Variants in MAU2 observed in about 807,000 individuals in gnomAD.
MAU2 encodes MAU2 sister chromatid cohesion factor.
In MAU2, 9 loss-of-function variants were observed where a neutral mutation model predicts 89.1. The observed-to-expected ratio is 0.10, with a 90% CI of 0.06 to 0.18. The LOEUF (loss-of-function observed/expected upper bound fraction) is 0.18, where lower values mean the gene tolerates loss of function less well. MAU2 is among the 10% of genes least tolerant of loss of function. The pLI is 1.00. For missense variants in MAU2, 425 were observed against 803.5 expected, an observed-to-expected ratio of 0.53 and a Z score of 5.69; for synonymous variants, 357 against 343.4, an observed-to-expected ratio of 1.04 and a Z score of -0.44.
chr19:19,335,262 C>A (rs1599901418), intron 1 of MAU2, among the ~76,000 whole-genome samples: 1 of 152,304 alleles, frequency 6.6e-6, no homozygotes, highest in East Asian at 1.9e-4. Context: ...ACTAACCTTG[C>A]CCCCCAAGAC....
intron 5 of MAU2, among the ~76,000 whole-genome samples, chr19:19,340,332 A>G (rs564328988): frequency 8.2e-5 from 12 of 146,810 alleles, no homozygotes; most frequent in African/African-American, 3.0e-4. Context: ...GACTCTAAGA[A>G]AAAAATAATA....
At chr19:19,321,219 G>A in intron 1 of MAU2, 84 bp downstream of exon 1, 6 of 1,384,852 alleles carry the variant, frequency 4.3e-6, no homozygotes, top group Non-Finnish European at 5.6e-6. Context: ...GGCGGGTGGG[G>A]GGCCGCTCCT....
chr19:19,345,170 C>T lies in MAU2; in HGVS notation c.1156-134C>T, dbSNP rs1599918036. 1 of 821,502 alleles carries T rather than the reference C, an allele frequency of 1.2e-6. No homozygotes were observed. The allele number at this position is 821,502 out of a possible 1,614,324, so 50.9% of individuals were successfully genotyped here. Reference sequence around the variant, plus strand: ...GTGGGGACAGTGAGCATATTACCTGCCTTGCAGCTGGCTCGGTAGAGCCAT... The same window carrying T: ...GTGGGGACAGTGAGCATATTACCTGTCTTGCAGCTGGCTCGGTAGAGCCAT... On this transcript the variant is annotated intron_variant, in intron 11 of 18. Transcript: ENST00000262815. This position sits in a 1 kb window ranked among gnomAD's most constrained non-coding sequence, Gnocchi z 4.9.
At chr19:19,326,425 G>A (rs553560934) in intron 1 of MAU2, among the ~76,000 whole-genome samples, 45 of 151,688 alleles carry the variant, frequency 3.0e-4, no homozygotes, top group Admixed American at 9.2e-4. Context: ...GGTGGCTCAC[G>A]CCTGTAATCC....
At chr19:19,347,253 C>T in intron 12 of MAU2, 27 bp from the exon 13 acceptor site, 1 of 1,547,668 alleles carries the variant, frequency 6.5e-7, no homozygotes, top group Non-Finnish European at 8.9e-7. Flanking sequence ...CGACCCAGCC[C>T]CCTAATGTCC....
Position 19,345,455 on chromosome 19 carries a change from C to A in MAU2, c.1221+86C>A. 1.5e-6 allele frequency: 2 copies of A among 1,312,456 alleles called. No individual in the cohort carries two copies. Among genetic ancestry groups the A allele is most frequent in the Non-Finnish European group, 2.2e-6 (2 of 918,756 alleles). The allele number at this position is 1,312,456 out of a possible 1,614,324, so 81.3% of individuals were successfully genotyped here. ...CGTGGTCTGTGATGAGGACAGCAGT[C>A]GCGCTAGGTCAGCTATGCAAAGCCG... On this transcript the variant is annotated intron_variant, in intron 12 of 18. Coordinates refer to ENST00000262815, the MANE Select transcript of MAU2 (RefSeq NM_015329.4). This position sits in a 1 kb window ranked among gnomAD's most constrained non-coding sequence, Gnocchi z 4.9.
At chr19:19,337,021 TAAA>T (rs1486343005) in intron 3 of MAU2, 146 bp from the exon 4 acceptor site, 1 of 615,916 alleles carries the variant, frequency 1.6e-6, no homozygotes, top group African/African-American at 1.9e-5. Flanking sequence ...TTACTTTTAA[TAAA>T]GTAAATTGGC....
chr19:19,341,777 C>G (rs1353928098), intron 7 of MAU2, among the ~76,000 whole-genome samples: 2 of 152,176 alleles, frequency 1.3e-5, no homozygotes, highest in African/African-American at 4.8e-5. Flanking sequence ...TCTGTCTGGC[C>G]CCCGGCTGTG....
chr19:19,328,913 T>C (rs1180126473), intron 1 of MAU2, among the ~76,000 whole-genome samples: 1 of 152,168 alleles, frequency 6.6e-6, no homozygotes, highest in Non-Finnish European at 1.5e-5. Context: ...GCGTATGCCA[T>C]GCTTGCTTTC....
intron 1 of MAU2, among the ~76,000 whole-genome samples, chr19:19,329,788 T>G (rs2061539988): frequency 6.7e-6 from 1 of 148,792 alleles, no homozygotes; most frequent in African/African-American, 2.5e-5. Context: ...CCAGACCCTG[T>G]CTCTTAAAAA....
chr19:19,327,954 G>A (rs1017198415), intron 1 of MAU2, among the ~76,000 whole-genome samples: 23 of 152,010 alleles, frequency 1.5e-4, no homozygotes, highest in Non-Finnish European at 3.1e-4. Context: ...TTCTTGGCTA[G>A]AGAATTCGCA....
chr19:19,336,214 G>A (rs1267394674), intron 3 of MAU2, 27 bp downstream of exon 3: 3 of 1,535,290 alleles, frequency 2.0e-6, no homozygotes, highest in African/African-American at 2.7e-5. Flanking sequence ...GTTTCTGAAA[G>A]CAAAGTGTCT....
chr19:19,355,325 C>T lies in MAU2; in HGVS notation c.1701C>T (p.Asn567=), dbSNP rs1015404101. The stretch of plus-strand genomic sequence containing the variant: ...ATGAAGCCGCCCAGATGCACCAGAA[C>T]TTCTCGCAGCAGCTGCTCCAGGACC... ...DAHEAAQMHQ[N]FSQQLLQDHI... is the part of the protein sequence containing the mutation. Residue 567 remains asparagine (N), a synonymous_variant, in exon 18 of 19, where the codon AAC becomes AAT. Coordinates refer to ENST00000262815, the MANE Select transcript of MAU2 (RefSeq NM_015329.4). The T allele has an allele frequency of 1.2e-6, 2 of 1,614,016 alleles. No homozygotes were observed. Among genetic ancestry groups the T allele is most frequent in the African/African-American group, 2.7e-5 (2 of 74,940 alleles).
intron 10 of MAU2, 55 bp downstream of exon 10, chr19:19,343,995 A>G: frequency 7.0e-7 from 1 of 1,428,050 alleles, no homozygotes; most frequent in Non-Finnish European, 9.8e-7. Flanking sequence ...GGGTCTCAGC[A>G]GTGTCAGACA....
chr19:19,349,130 A>G (rs777373839), intron 14 of MAU2, 25 bp from the exon 15 acceptor site: 4 of 1,613,200 alleles, frequency 2.5e-6, no homozygotes, highest in Non-Finnish European at 3.4e-6. Flanking sequence ...TCACCACCCC[A>G]TGTGATACTG....
chr19:19,344,218 C>T (rs1642336672), intron 10 of MAU2: 2 of 399,558 alleles, frequency 5.0e-6, no homozygotes, highest in African/African-American at 2.1e-5. Context: ...TTGAGACCAG[C>T]CTGGCCAACA....
chr19:19,331,626 G>A (rs148970346), intron 1 of MAU2, among the ~76,000 whole-genome samples: 7 of 152,242 alleles, frequency 4.6e-5, no homozygotes, highest in African/African-American at 9.6e-5. Flanking sequence ...AGAGGGCTGG[G>A]TGAGGTGGCT....
Position 19,357,852 on chromosome 19 carries a change from T to C in MAU2, c.*2070T>C, listed in dbSNP as rs1181460939. 3.9e-5 allele frequency: 6 copies of C among 152,128 alleles called. No individual in the cohort carries two copies. Among genetic ancestry groups the C allele is most frequent in the African/African-American group, 1.4e-4 (6 of 41,428 alleles). The allele number at this position is 152,128 out of a possible 1,614,324, so 9.4% of individuals were successfully genotyped here. ...TTGAACCTCCTTCCACAGCCGCATC[T>C]TCTCATGACACAAAGCTTTTGATAA... On this transcript the variant is annotated 3_prime_UTR_variant, in exon 19 of 19. Coordinates refer to ENST00000262815, the MANE Select transcript of MAU2 (RefSeq NM_015329.4).
At chr19:19,343,785 T>C in intron 9 of MAU2, 52 bp from the exon 10 acceptor site, 1 of 1,365,480 alleles carries the variant, frequency 7.3e-7, no homozygotes, top group Non-Finnish European at 1.0e-6. Context: ...GGGCTGGGGG[T>C]GGCGCCTCCT....
Sources: allele counts gnomAD v4.1 joint callset (sites outside exome capture counted in the v4.1 genomes callset), GRCh38; gene constraint gnomAD v4.1.1; non-coding constraint Gnocchi (gnomAD v3.1); transcripts MANE v1.5; gene names NCBI Gene and HGNC (gene_info 2026-07-23, HGNC 2026-07-21).